Variants in SEPTIN12 observed in about 807,000 individuals in gnomAD.
The protein encoded by SEPTIN12 is septin 12, also known as septin-12.
Under a neutral mutation model 37.7 loss-of-function variants are expected in SEPTIN12, and 42 were observed. The ratio of observed to expected loss-of-function variants is 1.11; its 90% CI spans 0.87 to 1.44. The LOEUF (loss-of-function observed/expected upper bound fraction) is 1.44. Among genes scored for constraint, SEPTIN12 ranks in the 40% most tolerant of loss-of-function variants. SEPTIN12 has a pLI of 0.00. For missense variants in SEPTIN12, 613 were observed against 479.2 expected, an observed-to-expected ratio of 1.28 and a Z score of -2.61; for synonymous variants, 254 against 196.7, an observed-to-expected ratio of 1.29 and a Z score of -2.44.
chr16:4,781,788 G>A (rs2082374062), intron 7 of SEPTIN12, among the ~76,000 whole-genome samples: 1 of 151,102 alleles, frequency 6.6e-6, no homozygotes, highest in Non-Finnish European at 1.5e-5. Context: ...GGGATTACAG[G>A]CATGCACCAC....
chr16:4,789,626 C>A (rs559586226), upstream of SEPTIN12, among the ~76,000 whole-genome samples: 1 of 152,182 alleles, frequency 6.6e-6, no homozygotes, highest in East Asian at 1.9e-4. Context: ...GCGCCCAGCC[C>A]TTTTTAAAAT....
chr16:4,784,907 C>G (rs928751487), intron 4 of SEPTIN12, among the ~76,000 whole-genome samples: 6 of 151,974 alleles, frequency 3.9e-5, no homozygotes, highest in Non-Finnish European at 8.8e-5. Context: ...GTCAGTAGTT[C>G]GAGACCAGCC....
At chr16:4,790,892 C>T (rs979449670), upstream of SEPTIN12, among the ~76,000 whole-genome samples, 1 of 152,250 alleles carries the variant, frequency 6.6e-6, no homozygotes, top group African/African-American at 2.4e-5. Context: ...GGGGCACAGC[C>T]TGTCCTGGAC....
chr16:4,787,249 C>A (rs1411489349), intron 2 of SEPTIN12, among the ~76,000 whole-genome samples: 1 of 152,170 alleles, frequency 6.6e-6, no homozygotes, highest in African/African-American at 2.4e-5. Context: ...CCACCCACCT[C>A]AGTCTCCCAA....
chr16:4,791,764 T>C (rs953090784), upstream of SEPTIN12, among the ~76,000 whole-genome samples: 2 of 152,150 alleles, frequency 1.3e-5, no homozygotes, highest in Non-Finnish European at 2.9e-5. Context: ...CTTGGCTCCC[T>C]GCAACCTCTG....
At chr16:4,789,649 C>T (rs149654059), upstream of SEPTIN12, among the ~76,000 whole-genome samples, 670 of 152,110 alleles carry the variant, frequency 4.4e-3, 2 homozygotes, top group African/African-American at 0.016. Context: ...TTTTGAGACA[C>T]GGTCTCACTA....
At chr16:4,778,947 G>A (rs1389278688) in intron 8 of SEPTIN12, among the ~76,000 whole-genome samples, 1 of 151,858 alleles carries the variant, frequency 6.6e-6, no homozygotes, top group Non-Finnish European at 1.5e-5. Context: ...AGACCAGCCT[G>A]GCAACATAGT....
chr16:4,777,945 T>G lies in SEPTIN12; in HGVS notation c.929A>C (p.Tyr310Ser). ...GCTTTCATTGAGTCTGATGACGCGG[T>G]AGTTCTCATAGTGGATGTTGTGGGT... ...DITHNIHYEN[Y>S]RVIRLNESHL... Residue 310 changes from tyrosine (Y) to serine (S), a missense_variant, in exon 10 of 10, where the codon TAC becomes TCC. Coordinates refer to ENST00000268231, the MANE Select transcript of SEPTIN12 (RefSeq NM_144605.5). 6.2e-7 allele frequency: 1 copy of G among 1,609,770 alleles called. No homozygotes were observed. The highest frequency in any genetic ancestry group is 8.5e-7 in the Non-Finnish European group (1 of 1,178,254).
chr16:4,781,532 A>G (rs2141868734), intron 7 of SEPTIN12, among the ~76,000 whole-genome samples: 1 of 152,200 alleles, frequency 6.6e-6, no homozygotes, highest in Admixed American at 6.6e-5. Context: ...CATTTCATAT[A>G]AATGGAATCC....
chr16:4,782,250 T>G lies in SEPTIN12; in HGVS notation c.726+1212A>C, dbSNP rs200433159. ...CAGGCATGAGCCACTGAGCCCAGCC[T>G]TGAACTGTACACTTTTAAAGGGTGA... is the stretch of plus-strand genomic sequence containing the variant. On this transcript the variant is annotated intron_variant, in intron 7 of 9. Transcript: ENST00000268231. Among the ~76,000 whole-genome samples the G allele has an allele frequency of 2.0e-5, 3 of 152,118 alleles. No homozygotes were observed. In the East Asian group the frequency reaches 5.8e-4, roughly 29 times the overall value.
In SEPTIN12 at chr16:4,777,999, C is replaced by G; in HGVS notation, c.876-1G>C. ...GTCCTTCAGGTCTTGGAGGTGGGAG[C>G]TGGGGGACCGGAGACGGTCAGCCCC... is the stretch of plus-strand genomic sequence containing the variant. On this transcript the variant is annotated splice_acceptor_variant, in intron 9 of 9. Transcript: ENST00000268231. LOFTEE classifies it high-confidence loss of function. 6.2e-7 allele frequency: 1 copy of G among 1,612,186 alleles called. No homozygotes were observed. The highest frequency in any genetic ancestry group is 1.7e-5 in the Admixed American group (1 of 59,616).
chr16:4,790,959 G>A (rs529231247), upstream of SEPTIN12, among the ~76,000 whole-genome samples: 2 of 152,332 alleles, frequency 1.3e-5, no homozygotes, highest in South Asian at 4.1e-4. Flanking sequence ...GCCCTTGAGG[G>A]ATTCAGCACG....
chr16:4,782,465 G>T (rs929088609), intron 7 of SEPTIN12, among the ~76,000 whole-genome samples: 1 of 152,140 alleles, frequency 6.6e-6, no homozygotes, highest in Non-Finnish European at 1.5e-5. Flanking sequence ...GGGTATACAC[G>T]TAGGAGTTCA....
intron 3 of SEPTIN12, 43 bp from the exon 4 acceptor site, chr16:4,785,931 G>A: frequency 6.2e-7 from 1 of 1,607,252 alleles, no homozygotes; most frequent in Non-Finnish European, 8.5e-7. Context: ...GACCCAGGTG[G>A]GATGGGGTGG....
chr16:4,778,008 C>A lies in SEPTIN12; in HGVS notation c.876-10G>T. 2 of 1,611,968 alleles carry A rather than the reference C, an allele frequency of 1.2e-6. No homozygotes were observed. Among genetic ancestry groups the A allele is most frequent in the Non-Finnish European group, 1.7e-6 (2 of 1,178,978 alleles). On this transcript the variant is annotated splice_polypyrimidine_tract_variant and intron_variant, in intron 9 of 9. Coordinates refer to ENST00000268231, the MANE Select transcript of SEPTIN12 (RefSeq NM_144605.5). ...GTCTTGGAGGTGGGAGCTGGGGGACCGGAGACGGTCAGCCCCGATGGTGGT... is the reference window on the plus strand; with the variant it reads ...GTCTTGGAGGTGGGAGCTGGGGGACAGGAGACGGTCAGCCCCGATGGTGGT...
chr16:4,784,719 A>G (rs375062267), intron 4 of SEPTIN12, among the ~76,000 whole-genome samples: 4 of 149,528 alleles, frequency 2.7e-5, no homozygotes, highest in South Asian at 2.2e-4. Flanking sequence ...GCAGTGAGCC[A>G]TGATCTCGCC....
rs138270585 is a variant in SEPTIN12, at chr16:4,786,120, C to T, written c.167-15G>A. The T allele has an allele frequency of 2.4e-4, 381 of 1,587,828 alleles. 5 individuals carry two copies. In the South Asian group the frequency reaches 3.7e-3, roughly 15 times the overall value. Reference sequence around the variant, plus strand: ...CCCGCTTTGCCCTGGGAGTGGCAACCGGATGACAGCAGTTAGGGTGGGCGT... The same window carrying T: ...CCCGCTTTGCCCTGGGAGTGGCAACTGGATGACAGCAGTTAGGGTGGGCGT... On this transcript the variant is annotated splice_polypyrimidine_tract_variant and intron_variant, in intron 2 of 9. Transcript: ENST00000268231.
intron 7 of SEPTIN12, among the ~76,000 whole-genome samples, chr16:4,782,408 AC>A (rs1342824386): frequency 6.6e-6 from 1 of 152,176 alleles, no homozygotes; most frequent in African/African-American, 2.4e-5. Context: ...GCTGCTGTGA[AC>A]ATTCACGTAC....
chr16:4,791,250 T>C (rs1289967309), upstream of SEPTIN12, among the ~76,000 whole-genome samples: 1 of 152,060 alleles, frequency 6.6e-6, no homozygotes, highest in African/African-American at 2.4e-5. Flanking sequence ...GCAGAAAGCA[T>C]GCTGTCATCT....
Sources: gnomAD v4.1 joint callset for allele counts (sites outside exome capture counted in the v4.1 genomes callset) on GRCh38, gnomAD v4.1.1 for gene constraint, MANE v1.5 for transcripts, NCBI Gene and HGNC (gene_info 2026-07-23, HGNC 2026-07-21) for gene names.